Variants in NBPF10 observed in about 807,000 individuals in gnomAD.
NBPF10 encodes NBPF family member NBPF10.
A neutral mutation model predicts 77.9 loss-of-function variants in NBPF10; 63 were observed. That is an observed-to-expected ratio of 0.81 (90% CI 0.66 to 1.00). NBPF10 has a LOEUF of 1.00. Among genes scored for constraint, NBPF10 ranks in the 50% least tolerant of loss-of-function variants. NBPF10 has a pLI of 0.00. For synonymous variants in NBPF10, 146 were observed against 264.5 expected, an observed-to-expected ratio of 0.55 and a Z score of 4.35; for missense variants, 522 against 679.8, an observed-to-expected ratio of 0.77 and a Z score of 2.58.
At chr1:146,138,953 T>A (rs1659988265) in intron 5 of NBPF10, among the ~76,000 whole-genome samples, 1 of 139,572 alleles carries the variant, frequency 7.2e-6, no homozygotes, top group African/African-American at 2.5e-5. Context: ...CCAGCTAATT[T>A]TTGTATTTTT....
intron 11 of NBPF10, among the ~76,000 whole-genome samples, chr1:146,129,973 T>C (rs1659129795): frequency 1.1e-5 from 1 of 89,216 alleles, no homozygotes. Flanking sequence ...TACATATGTA[T>C]ACATGTCCAC....
chr1:146,142,165 G>A (rs868941478), intron 2 of NBPF10, among the ~76,000 whole-genome samples: 1 of 117,838 alleles, frequency 8.5e-6, no homozygotes, highest in Non-Finnish European at 1.9e-5. Context: ...TGCATCTTGC[G>A]GCCACTAGAT....
In NBPF10 at chr1:146,128,285, G is replaced by T. The variant is rs1553791170; in HGVS notation, c.1638-3C>A. ...CCTCTTCAGACTCCTGCAGATTCCTGATGAGCCAGGCAGGACAGGGATGAT... is the reference window on the plus strand; with the variant it reads ...CCTCTTCAGACTCCTGCAGATTCCTTATGAGCCAGGCAGGACAGGGATGAT... On this transcript the variant is annotated splice_polypyrimidine_tract_variant and splice_region_variant and intron_variant, in intron 11 of 89. Transcript: ENST00000583866. The T allele has an allele frequency of 2.0e-6, 1 of 505,162 alleles. No homozygotes were observed. Among genetic ancestry groups the T allele is most frequent in the Admixed American group, 3.7e-5 (1 of 26,926 alleles). 31.3% of individuals were successfully genotyped at this position (505,162 alleles called of 1,614,324 possible). A position where few individuals can be genotyped will look rare whatever the true frequency, so the allele number is the denominator to read the frequency against.
intron 77 of NBPF10, among the ~76,000 whole-genome samples, chr1:146,076,278 C>CAG (rs1656038713): frequency 8.5e-5 from 1 of 11,816 alleles, no homozygotes; most frequent in Non-Finnish European, 3.1e-4. Flanking sequence ...CACACACACA[C>CAG]ACACACACAC....
intron 2 of NBPF10, 104 bp downstream of exon 2, chr1:146,142,546 C>T: frequency 3.2e-6 from 2 of 623,980 alleles, no homozygotes; most frequent in Non-Finnish European, 2.9e-6. Context: ...GCAATTTCTG[C>T]CCTTCCCCTG....
chr1:146,066,901 T>A (rs1385283496), intron 89 of NBPF10, among the ~76,000 whole-genome samples: 2 of 146,614 alleles, frequency 1.4e-5, no homozygotes, highest in East Asian at 4.0e-4. Flanking sequence ...ATGAAAAGAG[T>A]GAGCTCAATA....
exon 14 of NBPF10, chr1:146,126,276 T>G (rs782090466): frequency 6.2e-7 from 1 of 1,607,490 alleles, no homozygotes; most frequent in East Asian, 2.2e-5. Flanking sequence ...GTTGCTCCAA[T>G]ATGTAAAAGG....
chr1:146,127,355 TA>T (rs1438249390), intron 12 of NBPF10, among the ~76,000 whole-genome samples: 1 of 47,156 alleles, frequency 2.1e-5, no homozygotes, highest in Non-Finnish European at 3.9e-5. Flanking sequence ...TTTTCCCCAA[TA>T]AATTGTAGGC....
At chr1:146,083,283 A>AT (rs1656417968) in intron 68 of NBPF10, among the ~76,000 whole-genome samples, 1 of 13,408 alleles carries the variant, frequency 7.5e-5, no homozygotes, top group Non-Finnish European at 1.1e-4. Context: ...GTTATGCCAT[A>AT]TTTTTCCAAT....
At chr1:146,076,262 C>A (rs1429324676) in intron 77 of NBPF10, among the ~76,000 whole-genome samples, 2 of 11,910 alleles carry the variant, frequency 1.7e-4, no homozygotes, top group Non-Finnish European at 5.9e-4. Flanking sequence ...CACACACACA[C>A]ACACACACAC....
intron 17 of NBPF10, among the ~76,000 whole-genome samples, chr1:146,123,718 T>C (rs1658358852): frequency 4.1e-5 from 2 of 49,380 alleles, no homozygotes; most frequent in African/African-American, 1.2e-4. Flanking sequence ...TGAAGTCTGG[T>C]CCACCTACAG....
intron 11 of NBPF10, among the ~76,000 whole-genome samples, chr1:146,129,310 G>A (rs1423427228): frequency 6.7e-6 from 1 of 149,848 alleles, no homozygotes; most frequent in Non-Finnish European, 1.5e-5. Context: ...ATGACCTGAT[G>A]GAGCTGAAAA....
intron 6 of NBPF10, among the ~76,000 whole-genome samples, chr1:146,136,849 A>G (rs28669749): frequency 1.6e-4 from 23 of 143,488 alleles, no homozygotes; most frequent in African/African-American, 2.4e-4. Flanking sequence ...CCCTAGGACT[A>G]TGGGACTGAT....
chr1:146,134,300 C>T (rs782492565), intron 8 of NBPF10, 35 bp from the exon 9 acceptor site: 2 of 1,597,862 alleles, frequency 1.3e-6, no homozygotes, highest in Non-Finnish European at 1.7e-6. Flanking sequence ...AGGTATTTCC[C>T]ACTTCACAGT....
At chr1:146,067,868 C>A (rs1434770981) in intron 88 of NBPF10, 135 bp downstream of exon 88, 7 of 697,706 alleles carry the variant, frequency 1.0e-5, no homozygotes, top group South Asian at 4.5e-5. Context: ...AGTTTCATTA[C>A]AACCTATATG....
At chr1:146,123,475 G>A (rs879203913) in intron 17 of NBPF10, among the ~76,000 whole-genome samples, 197 bp from the exon 18 acceptor site, 1 of 33,678 alleles carries the variant, frequency 3.0e-5, no homozygotes, top group African/African-American at 1.2e-4. Flanking sequence ...AAGACAGATA[G>A]ACACACACAC....
chr1:146,126,400 C>T (rs1375259945), exon 14 of NBPF10: 26 of 1,274,444 alleles, frequency 2.0e-5, no homozygotes, highest in African/African-American at 1.9e-4. Context: ...CAGCAGCTCC[C>T]TGCTGAGCGT....
intron 13 of NBPF10, among the ~76,000 whole-genome samples, chr1:146,126,692 C>T (rs587631957): frequency 6.8e-6 from 1 of 146,362 alleles, no homozygotes; most frequent in African/African-American, 2.5e-5. Flanking sequence ...AAAGGACACT[C>T]TGTATTTGTG....
rs4068086 is a variant in NBPF10 at position 146,140,402 on chromosome 1, T to C, written c.566+82A>G. 13 of 784,364 alleles carry C rather than the reference T, an allele frequency of 1.7e-5. 2 individuals are homozygous for C. The highest frequency in any genetic ancestry group is 2.5e-5 in the Non-Finnish European group (12 of 489,322). 48.6% of individuals were successfully genotyped at this position (784,364 alleles called of 1,614,324 possible). A position where few individuals can be genotyped will look rare whatever the true frequency, so the allele number is the denominator to read the frequency against. On this transcript the variant is annotated intron_variant, in intron 4 of 89. Transcript: ENST00000583866. ...CAAGGGAATGCGGGCATTTGGCCCA[T>C]CATAGATGCCAGAGAGGGTGTGCCT...
Sources: allele counts gnomAD v4.1 joint callset (sites outside exome capture counted in the v4.1 genomes callset), GRCh38; gene constraint gnomAD v4.1.1; transcripts MANE v1.5; gene names NCBI Gene and HGNC (gene_info 2026-07-23, HGNC 2026-07-21).